TANC2: variants seen among roughly 807,000 people sequenced by gnomAD.
TANC2 encodes the protein tetratricopeptide repeat, ankyrin repeat and coiled-coil containing 2.
TANC2 carries 26 observed loss-of-function variants against 210.5 expected under a neutral mutation model. The ratio of observed to expected loss-of-function variants is 0.12; its 90% CI spans 0.09 to 0.17. The LOEUF (loss-of-function observed/expected upper bound fraction) is 0.17, where lower values mean the gene tolerates loss of function less well. TANC2 is among the 10% of genes least tolerant of loss of function. TANC2 has a pLI of 1.00. For synonymous variants in TANC2, 931 were observed against 967.1 expected (o/e 0.96, Z 0.69); for missense variants, 2,129 against 2,608.9 (o/e 0.82, Z 4.01).
chr17:63,336,462 G>T (rs2046031238), intron 11 of TANC2, among the ~76,000 whole-genome samples: 1 of 152,270 alleles, frequency 6.6e-6, no homozygotes, highest in Admixed American at 6.5e-5. Context: ...CATTTTTGCT[G>T]CCACTCAGTC....
intron 11 of TANC2, among the ~76,000 whole-genome samples, chr17:63,327,238 G>A (rs951317180): frequency 3.9e-5 from 6 of 152,234 alleles, no homozygotes; most frequent in African/African-American, 7.2e-5. Context: ...TGTTGGCAAG[G>A]ATGTGGAGAA....
rs561311822 is a variant in TANC2 at position 63,397,200 on chromosome 17, G to A, written c.3237+1272G>A. Among the ~76,000 whole-genome samples the A allele has an allele frequency of 1.9e-3, 288 of 152,180 alleles. 1 individual carries two copies. The highest frequency in any genetic ancestry group is 6.6e-3 in the African/African-American group (275 of 41,530). On this transcript the variant is annotated intron_variant, in intron 18 of 27. Coordinates refer to ENST00000689528, the Ensembl canonical transcript of TANC2. Reference sequence around the variant, plus strand: ...TGAGACAGGAGAATCGCCTGAACCCGGGAGGTGGAGGTTGCAGTGAGCTGA... The same window carrying A: ...TGAGACAGGAGAATCGCCTGAACCCAGGAGGTGGAGGTTGCAGTGAGCTGA...
chr17:63,096,310 A>G (rs950674562), intron 3 of TANC2, among the ~76,000 whole-genome samples: 2 of 152,134 alleles, frequency 1.3e-5, no homozygotes, highest in African/African-American at 4.8e-5. Context: ...GAGATGAATG[A>G]GAAGAAAAAA....
chr17:63,141,882 A>G (rs907436987), intron 4 of TANC2, among the ~76,000 whole-genome samples: 1 of 152,198 alleles, frequency 6.6e-6, no homozygotes, highest in Admixed American at 6.5e-5. Flanking sequence ...TCTATAAGAA[A>G]ACTACCGTCT....
chr17:63,403,049 A>G (rs2048390537), intron 19 of TANC2, among the ~76,000 whole-genome samples: 1 of 152,244 alleles, frequency 6.6e-6, no homozygotes, highest in Admixed American at 6.5e-5. Context: ...ACAAAGAAAA[A>G]GGCCAAATGG....
intron 9 of TANC2, among the ~76,000 whole-genome samples, chr17:63,309,841 G>A (rs1241743689): frequency 6.6e-6 from 1 of 152,106 alleles, no homozygotes; most frequent in Non-Finnish European, 1.5e-5. Context: ...TGATGCAGTA[G>A]TAGACTTACA....
Position 63,314,450 on chromosome 17 carries a change from A to C in TANC2, c.1222A>C (p.Ser408Arg). The C allele has an allele frequency of 6.2e-7, 1 of 1,613,976 alleles. No homozygotes were observed. Among genetic ancestry groups the C allele is most frequent in the African/African-American group, 1.3e-5 (1 of 75,054 alleles). ...GAAGCCTCTGCTCTTTGAAGTGCCC[A>C]GCATCACTACAGAGTCAGTGTTTGT... The change falls in exon 10 of 28, where the codon AGC becomes CGC. Residue 408 changes from serine to arginine, a missense_variant. Coordinates refer to ENST00000689528, the Ensembl canonical transcript of TANC2.
At chr17:63,413,385 A>G in intron 24 of TANC2, 158 bp from the exon 25 acceptor site, 1 of 538,026 alleles carries the variant, frequency 1.9e-6, no homozygotes, top group Non-Finnish European at 3.3e-6. Context: ...TGGCAGTGGG[A>G]GTTACTAAAA....
intron 2 of TANC2, among the ~76,000 whole-genome samples, chr17:63,046,300 C>A (rs931716457): frequency 9.6e-5 from 13 of 135,740 alleles, no homozygotes; most frequent in African/African-American, 3.7e-4. Context: ...GCTGGGACTA[C>A]AGGTGCGTGC....
intron 9 of TANC2, among the ~76,000 whole-genome samples, chr17:63,287,532 T>C (rs1472612403): frequency 6.6e-6 from 1 of 152,194 alleles, no homozygotes; most frequent in African/African-American, 2.4e-5. Flanking sequence ...CTTAAGCTTT[T>C]TTCTGAAATG....
chr17:63,106,971 A>G (rs754028093), intron 4 of TANC2, among the ~76,000 whole-genome samples: 4 of 151,506 alleles, frequency 2.6e-5, no homozygotes, highest in Admixed American at 6.6e-5. Context: ...TCCTACCTCT[A>G]TTCAGCCACC....
chr17:63,250,310 G>T (rs887634510), intron 8 of TANC2, among the ~76,000 whole-genome samples: 22 of 134,202 alleles, frequency 1.6e-4, no homozygotes, highest in African/African-American at 7.1e-4. Flanking sequence ...ATTTATTTAT[G>T]AATGAATGAA....
chr17:63,144,314 C>T (rs2039392858), intron 4 of TANC2, among the ~76,000 whole-genome samples: 1 of 151,982 alleles, frequency 6.6e-6, no homozygotes, highest in South Asian at 2.1e-4. Context: ...ATATGAGAGT[C>T]CATAGTAGAT....
intron 20 of TANC2, among the ~76,000 whole-genome samples, chr17:63,405,936 G>A (rs536339733): frequency 1.3e-5 from 2 of 152,322 alleles, no homozygotes; most frequent in South Asian, 4.1e-4. Context: ...TAGTAGCTGA[G>A]TCAGACATTG....
At chr17:63,108,460 AAAAACAT>A (rs2037908929) in intron 4 of TANC2, among the ~76,000 whole-genome samples, 1 of 151,818 alleles carries the variant, frequency 6.6e-6, no homozygotes, top group Admixed American at 6.5e-5. Flanking sequence ...CCTCATACTG[AAAAACAT>A]AAGATTTCTT....
chr17:63,032,777 A>G (rs1477449859), intron 2 of TANC2, among the ~76,000 whole-genome samples: 1 of 152,008 alleles, frequency 6.6e-6, no homozygotes, highest in Non-Finnish European at 1.5e-5. Flanking sequence ...CAATTCTCCA[A>G]CTCTTCCAAA....
chr17:63,286,593 A>C (rs1032016895), intron 9 of TANC2, among the ~76,000 whole-genome samples: 3 of 152,048 alleles, frequency 2.0e-5, no homozygotes, highest in Non-Finnish European at 4.4e-5. Context: ...CATTTTATTC[A>C]TGTTTCTTAA....
intron 5 of TANC2, chr17:63,152,357 AAAAAC>A (rs978172067): frequency 3.9e-4 from 59 of 152,286 alleles, no homozygotes; most frequent in African/African-American, 1.3e-3. Context: ...TAGTAAAACA[AAAAAC>A]AAAACAGTAG....
At chr17:63,279,424 TCA>T (rs151301580) in intron 9 of TANC2, among the ~76,000 whole-genome samples, 21,766 of 152,008 alleles carry the variant, frequency 0.14, 2,005 homozygotes, top group Middle Eastern at 0.21. Context: ...TTGCAAAAGG[TCA>T]CAGAGTTGTT....
Sources: gnomAD v4.1 joint callset for allele counts (sites outside exome capture counted in the v4.1 genomes callset) on GRCh38, gnomAD v4.1.1 for gene constraint, MANE v1.5 for transcripts, NCBI Gene and HGNC (gene_info 2026-07-23, HGNC 2026-07-21) for gene names.